INPP5A: variants seen among roughly 807,000 people sequenced by gnomAD.
The protein encoded by INPP5A is inositol polyphosphate-5-phosphatase A.
A neutral mutation model predicts 65.2 loss-of-function variants in INPP5A; 14 were observed. The observed-to-expected ratio is 0.21, with a 90% confidence interval of 0.14 to 0.34. The LOEUF (loss-of-function observed/expected upper bound fraction) is 0.34, where lower values mean the gene tolerates loss of function less well. INPP5A is among the 10% of genes least tolerant of loss of function. The probability of loss-of-function intolerance (pLI) is 1.00; values close to 1 mark genes in which losing one functional copy is unlikely to be tolerated. For missense variants in INPP5A, 431 were observed against 545.6 expected (o/e 0.79, Z 2.09); for synonymous variants, 207 against 208.3 (o/e 0.99, Z 0.05).
At chr10:132,692,081 A>G (rs1845277998) in intron 5 of INPP5A, among the ~76,000 whole-genome samples, 1 of 152,024 alleles carries the variant, frequency 6.6e-6, no homozygotes, top group Non-Finnish European at 1.5e-5. Context: ...CTCGAGGGTC[A>G]GGCTCGGGGG....
intron 4 of INPP5A, among the ~76,000 whole-genome samples, chr10:132,673,507 G>A (rs1235894615): frequency 2.6e-5 from 4 of 152,184 alleles, no homozygotes; most frequent in Non-Finnish European, 5.9e-5. Flanking sequence ...TGTTGTAATT[G>A]TGACTTCAAA....
At chr10:132,558,999 A>G (rs1007102487) in intron 1 of INPP5A, among the ~76,000 whole-genome samples, 8 of 152,132 alleles carry the variant, frequency 5.3e-5, no homozygotes, top group Non-Finnish European at 1.0e-4. Context: ...TCCCAGACCC[A>G]TCGGCCTCCT....
intron 12 of INPP5A, 97 bp from the exon 13 acceptor site, chr10:132,777,574 T>G: frequency 9.4e-7 from 1 of 1,060,280 alleles, no homozygotes; most frequent in Admixed American, 2.1e-5. Context: ...TGCTGGCCAT[T>G]CTAAGGTGTA....
chr10:132,605,790 C>T (rs1327818357), intron 1 of INPP5A, among the ~76,000 whole-genome samples: 7 of 152,200 alleles, frequency 4.6e-5, no homozygotes, highest in South Asian at 4.1e-4. Flanking sequence ...CTTTTTTTCA[C>T]GTTTCTTCTC....
Position 132,644,760 on chromosome 10 carries a change from T to C in INPP5A, c.118-1108T>C, listed in dbSNP as rs894140343. ...TGCTCCTTGGAAGCGCTGCGCATCC[T>C]GTGTTCCAGGGGAGCGGGGTCAATC... On this transcript the variant is annotated intron_variant, in intron 2 of 15. Coordinates refer to ENST00000368594, the MANE Select transcript of INPP5A (RefSeq NM_005539.5). The surrounding 1 kb of genome is among the most constrained non-coding windows in gnomAD (Gnocchi z 6.5). Among the ~76,000 whole-genome samples the C allele has an allele frequency of 1.9e-4, 29 of 152,230 alleles. No individual in the cohort carries two copies. The highest frequency in any genetic ancestry group is 7.0e-4 in the African/African-American group (29 of 41,468).
chr10:132,688,487 T>C (rs1275844759), intron 4 of INPP5A, among the ~76,000 whole-genome samples: 6 of 152,228 alleles, frequency 3.9e-5, no homozygotes. Context: ...AGACAATAGC[T>C]CTGCAGCCCC....
intron 11 of INPP5A, among the ~76,000 whole-genome samples, 200 bp downstream of exon 11, chr10:132,750,045 T>C (rs1266275553): frequency 6.6e-6 from 1 of 152,208 alleles, no homozygotes; most frequent in Non-Finnish European, 1.5e-5. Flanking sequence ...GGGTGGAGGC[T>C]CCGTATCACT....
intron 8 of INPP5A, among the ~76,000 whole-genome samples, chr10:132,714,385 T>G (rs1449299641): frequency 6.6e-6 from 1 of 152,132 alleles, no homozygotes; most frequent in Non-Finnish European, 1.5e-5. Flanking sequence ...CAGACCACAT[T>G]CTGCTGTGCG....
At chr10:132,640,361 C>T (rs1407967417) in intron 2 of INPP5A, among the ~76,000 whole-genome samples, 2 of 152,240 alleles carry the variant, frequency 1.3e-5, no homozygotes, top group African/African-American at 2.4e-5. Context: ...ACTTAGGGTT[C>T]CCTCTTCCTA....
intron 4 of INPP5A, among the ~76,000 whole-genome samples, chr10:132,688,736 G>A (rs1400795706): frequency 6.6e-6 from 1 of 152,002 alleles, no homozygotes. Context: ...GCATGAATGT[G>A]TGCAAGTGTG....
intron 2 of INPP5A, among the ~76,000 whole-genome samples, chr10:132,635,302 C>T (rs575013725): frequency 1.3e-5 from 2 of 151,852 alleles, no homozygotes; most frequent in South Asian, 2.1e-4. Context: ...ACCCTTTTCC[C>T]CTCATTCCTG....
chr10:132,667,893 C>T (rs775326240), intron 4 of INPP5A, among the ~76,000 whole-genome samples: 1 of 152,130 alleles, frequency 6.6e-6, no homozygotes, highest in Admixed American at 6.5e-5. Context: ...GTTTGGGAGG[C>T]ATTTGCAGGT....
chr10:132,548,338 G>A (rs567721900), intron 1 of INPP5A, among the ~76,000 whole-genome samples: 1 of 152,286 alleles, frequency 6.6e-6, no homozygotes, highest in South Asian at 2.1e-4. Flanking sequence ...TGGGGCCAGG[G>A]GAAGGGGTGT....
intron 4 of INPP5A, among the ~76,000 whole-genome samples, chr10:132,686,461 G>A (rs763954596): frequency 9.9e-5 from 15 of 152,218 alleles, no homozygotes; most frequent in Non-Finnish European, 2.2e-4. Flanking sequence ...AGACCTGGGC[G>A]AGCTGGGGAC....
intron 2 of INPP5A, among the ~76,000 whole-genome samples, chr10:132,621,002 T>A (rs2072100546): frequency 6.6e-6 from 1 of 152,224 alleles, no homozygotes; most frequent in East Asian, 1.9e-4. Flanking sequence ...CCATGTCAAC[T>A]GATTGAGGAA....
intron 1 of INPP5A, among the ~76,000 whole-genome samples, chr10:132,586,987 A>C (rs1229243874): frequency 6.6e-6 from 1 of 152,008 alleles, no homozygotes. Flanking sequence ...TCTGCAGACC[A>C]ATGTCATCAT....
chr10:132,697,800 T>C lies in INPP5A; in HGVS notation c.371-16T>C. 1 of 1,563,012 alleles carries C rather than the reference T, an allele frequency of 6.4e-7. No individual in the cohort carries two copies. Among genetic ancestry groups the C allele is most frequent in the Non-Finnish European group, 8.8e-7 (1 of 1,134,922 alleles). On this transcript the variant is annotated splice_polypyrimidine_tract_variant and intron_variant, in intron 5 of 15. Coordinates refer to ENST00000368594, the MANE Select transcript of INPP5A (RefSeq NM_005539.5). The surrounding 1 kb of genome is among the most constrained non-coding windows in gnomAD (Gnocchi z 5.6). ...CAGTGATGGGATAGTCACCTCGTCC[T>C]TCTGGTCTCTTCCAGCTAAGAAGTA...
chr10:132,638,320 A>T (rs552958807), intron 2 of INPP5A, among the ~76,000 whole-genome samples: 86 of 152,078 alleles, frequency 5.7e-4, no homozygotes, highest in Non-Finnish European at 1.0e-3. Flanking sequence ...CCACGCTCGG[A>T]TGTGCTGGGA....
intron 1 of INPP5A, among the ~76,000 whole-genome samples, chr10:132,602,454 T>C (rs2071788447): frequency 1.3e-5 from 2 of 152,072 alleles, no homozygotes; most frequent in Non-Finnish European, 2.9e-5. Flanking sequence ...CCACCATGCC[T>C]GGCTAATTTT....
Sources: gnomAD v4.1 joint callset for allele counts (sites outside exome capture counted in the v4.1 genomes callset) on GRCh38, gnomAD v4.1.1 for gene constraint, Gnocchi (gnomAD v3.1) non-coding constraint, MANE v1.5 for transcripts, NCBI Gene and HGNC (gene_info 2026-07-23, HGNC 2026-07-21) for gene names.